ST7L: variants seen among roughly 807,000 people sequenced by gnomAD.
ST7L encodes the protein suppression of tumorigenicity 7 like.
In ST7L, 57 loss-of-function variants were observed where a neutral mutation model predicts 72.5. The ratio of observed to expected loss-of-function variants is 0.79; its 90% CI spans 0.64 to 0.98. ST7L has a LOEUF of 0.98. Ranked by LOEUF, ST7L falls within the 50% of genes least tolerant of loss-of-function variation. The probability of loss-of-function intolerance (pLI) is 0.00; values close to 1 mark genes in which losing one functional copy is unlikely to be tolerated. For synonymous variants in ST7L, 221 were observed against 240.9 expected (o/e 0.92, Z 0.77); for missense variants, 576 against 672.2 (o/e 0.86, Z 1.58).
rs1200411554 is a variant in ST7L at position 112,616,795 on chromosome 1, G to T, written c.288+18C>A. The T allele has an allele frequency of 4.6e-6, 7 of 1,506,826 alleles. 1 individual carries two copies. The Middle Eastern group carries it at 5.2e-4, about 111-fold the overall frequency. The allele number at this position is 1,506,826 out of a possible 1,614,324, so 93.3% of individuals were successfully genotyped here. A position where few individuals can be genotyped will look rare whatever the true frequency, so the allele number is the denominator to read the frequency against. On this transcript the variant is annotated intron_variant, in intron 2 of 14. Coordinates refer to ENST00000358039, the MANE Select transcript of ST7L (RefSeq NM_017744.5). ...GATAAACACCAAAACATGAAGGAAG[G>T]AAATGGAAACTACTTACAAATATTA...
chr1:112,593,831 T>C (rs536347650), intron 5 of ST7L, among the ~76,000 whole-genome samples: 1 of 152,284 alleles, frequency 6.6e-6, no homozygotes, highest in East Asian at 1.9e-4. Context: ...AAGAGAAATT[T>C]GCCACATCAC....
At chr1:112,612,939 G>A (rs528299250) in intron 2 of ST7L, among the ~76,000 whole-genome samples, 9 of 151,662 alleles carry the variant, frequency 5.9e-5, no homozygotes. Flanking sequence ...ACAACATAGT[G>A]AGACCCCATC....
intron 12 of ST7L, among the ~76,000 whole-genome samples, chr1:112,551,354 T>C (rs1658145615): frequency 6.6e-6 from 1 of 151,880 alleles, no homozygotes; most frequent in Non-Finnish European, 1.5e-5. Context: ...TTCACCGTGT[T>C]AGCCAGGATG....
chr1:112,589,862 T>C (rs1019025533), intron 6 of ST7L, among the ~76,000 whole-genome samples: 1 of 152,244 alleles, frequency 6.6e-6, no homozygotes. Context: ...TCAAGTCTTT[T>C]CTGAGCATAT....
chr1:112,580,319 T>C (rs1441379616), intron 9 of ST7L, among the ~76,000 whole-genome samples: 1 of 152,142 alleles, frequency 6.6e-6, no homozygotes, highest in African/African-American at 2.4e-5. Context: ...CAGCTAAATT[T>C]TTAAAATATT....
At chr1:112,619,229 G>C, upstream of ST7L, 1 of 960,616 alleles carries the variant, frequency 1.0e-6, no homozygotes, top group Non-Finnish European at 1.6e-6. Flanking sequence ...CTGAGTCCTG[G>C]GGAACCGGGA....
intron 14 of ST7L, among the ~76,000 whole-genome samples, chr1:112,532,121 A>G (rs373168930): frequency 1.3e-5 from 2 of 152,234 alleles, no homozygotes; most frequent in East Asian, 3.8e-4. Flanking sequence ...CCCTAAAGGG[A>G]TCAGAGTCTA....
chr1:112,541,931 G>A lies in ST7L; in HGVS notation c.1629+20C>T. On this transcript the variant is annotated intron_variant, in intron 14 of 14. Transcript: ENST00000358039. Reference sequence around the variant, plus strand: ...TGTGTTTTACAAATAATCTACACAAGTCCTTGAGATCATACTTACAGCTTT... The same window carrying A: ...TGTGTTTTACAAATAATCTACACAAATCCTTGAGATCATACTTACAGCTTT... 6.2e-7 allele frequency: 1 copy of A among 1,611,988 alleles called. No individual in the cohort carries two copies. Among genetic ancestry groups the A allele is most frequent in the Non-Finnish European group, 8.5e-7 (1 of 1,179,336 alleles).
intron 14 of ST7L, among the ~76,000 whole-genome samples, chr1:112,538,186 T>C (rs1379434983): frequency 1.3e-5 from 2 of 152,244 alleles, no homozygotes; most frequent in African/African-American, 4.8e-5. Flanking sequence ...TCTACTTTAT[T>C]TGGCCATCAA....
Position 112,578,414 on chromosome 1 carries a change from A to C in ST7L, c.1073T>G (p.Ile358Arg), listed in dbSNP as rs758514739. The change falls in exon 10 of 15, where the codon ATA becomes AGA. Residue 358 changes from isoleucine to arginine, a missense_variant. By Grantham distance (97) the Ile-to-Arg change is moderately conservative. Transcript: ENST00000358039. ...GATTGCTGCTGACTTTGGAAGGCTTATATCTGTAACGATAATTTTCAATTT... is the reference window on the plus strand; with the variant it reads ...GATTGCTGCTGACTTTGGAAGGCTTCTATCTGTAACGATAATTTTCAATTT... ...VQAVLAKYDD[I>R]SLPKSAAICY... 1 of 1,613,984 alleles carries C rather than the reference A, an allele frequency of 6.2e-7. No homozygotes were observed.
chr1:112,560,133 G>A (rs1352032543), intron 11 of ST7L, among the ~76,000 whole-genome samples: 3 of 152,076 alleles, frequency 2.0e-5, no homozygotes, highest in Admixed American at 1.3e-4. Flanking sequence ...AGTGGTTCAC[G>A]CCTGTAATCC....
chr1:112,556,148 A>G (rs867109460), intron 11 of ST7L, 130 bp from the exon 12 acceptor site: 9 of 668,990 alleles, frequency 1.3e-5, no homozygotes, highest in Non-Finnish European at 2.0e-5. Context: ...TAAAAAACTA[A>G]CTGAAATGAC....
rs188116279 is a variant in ST7L, at chr1:112,542,814, T to A, written c.1490-724A>T. ...ACATTTGAGTTGCTACTTTTTTTTT[T>A]GAAGAAGAAGAGTCTCGCTCTGTTG... is the stretch of plus-strand genomic sequence containing the variant. On this transcript the variant is annotated intron_variant, in intron 13 of 14. Coordinates refer to ENST00000358039, the MANE Select transcript of ST7L (RefSeq NM_017744.5). 4.2e-3 allele frequency among the ~76,000 whole-genome samples: 637 copies of A among 151,932 alleles called. 13 individuals are homozygous for A. The East Asian group carries it at 0.072, about 17-fold the overall frequency.
At chr1:112,619,244 G>A, upstream of ST7L, 1 of 812,506 alleles carries the variant, frequency 1.2e-6, no homozygotes, top group Non-Finnish European at 1.9e-6. Flanking sequence ...CCGGGACCGA[G>A]AAGATTTCGA....
intron 14 of ST7L, chr1:112,539,775 G>C: frequency 3.0e-6 from 3 of 985,218 alleles, no homozygotes; most frequent in Middle Eastern, 5.2e-4. Context: ...ACAAATATTG[G>C]TTTGCAGGAA....
chr1:112,540,041 A>G (rs1655854892), intron 14 of ST7L: 1 of 985,430 alleles, frequency 1.0e-6, no homozygotes, highest in Non-Finnish European at 1.2e-6. Flanking sequence ...GAGGAGTGCT[A>G]AGGAACTTAT....
chr1:112,542,007 T>C lies in ST7L; in HGVS notation c.1573A>G (p.Met525Val), dbSNP rs1479911165. The change falls in exon 14 of 15, where the codon ATG (methionine) becomes GTG (valine). Residue 525 changes from methionine to valine, a missense_variant. By Grantham distance (21) the Met-to-Val change is conservative. This residue lies in a region of ST7L where 511 missense variants were observed against 600.7 expected (regional missense o/e 0.85). Coordinates refer to ENST00000358039, the MANE Select transcript of ST7L (RefSeq NM_017744.5). ...FTAGFCSSTA[M>V]IAILTHQFPE... Reference sequence around the variant, plus strand: ...AACTGGTGAGTGAGAATGGCTATCATTGCTGTAGAAGAGCAAAATCCTGCT... The same window carrying C: ...AACTGGTGAGTGAGAATGGCTATCACTGCTGTAGAAGAGCAAAATCCTGCT... 3 of 1,613,880 alleles carry C rather than the reference T, an allele frequency of 1.9e-6. No homozygotes were observed. The highest frequency in any genetic ancestry group is 2.7e-5 in the African/African-American group (2 of 74,922).
chr1:112,614,679 G>C (rs1166502436), intron 2 of ST7L, among the ~76,000 whole-genome samples: 1 of 152,048 alleles, frequency 6.6e-6, no homozygotes, highest in East Asian at 1.9e-4. Flanking sequence ...GGGCATGGTG[G>C]TTCACGCCTG....
Position 112,619,083 on chromosome 1 carries a change from C to T in ST7L, c.31G>A (p.Ala11Thr). Residue 11 changes from alanine to threonine, a missense_variant, in exon 1 of 15, where the codon GCA (alanine) becomes ACA (threonine). Ala to Thr is a moderately conservative substitution (Grantham distance 58). This residue lies in a region of ST7L where 56 missense variants were observed against 45.8 expected (regional missense o/e 1.22). Transcript: ENST00000358039. MADRGGVGEAAAVGASPASVP... is the reference protein window; with the variant it reads MADRGGVGEATAVGASPASVP... ...GATGCAGGAGACGCTCCAACAGCTG[C>T]GGCTTCACCCACGCCGCCACGGTCC... The T allele has an allele frequency of 6.2e-7, 1 of 1,613,418 alleles. No individual in the cohort carries two copies. The highest frequency in any genetic ancestry group is 8.5e-7 in the Non-Finnish European group (1 of 1,179,910).
Sources: gnomAD v4.1 joint callset for allele counts (sites outside exome capture counted in the v4.1 genomes callset) on GRCh38, gnomAD v4.1.1 for gene constraint, gnomAD v4.1.1 regional missense constraint, MANE v1.5 for transcripts, NCBI Gene and HGNC (gene_info 2026-07-23, HGNC 2026-07-21) for gene names.